The following ZDHHC2 variants were observed in gnomAD, a reference collection of about 807,000 sequenced individuals.
ZDHHC2 encodes palmitoyltransferase ZDHHC2.
A neutral mutation model predicts 55.6 loss-of-function variants in ZDHHC2; 51 were observed. The ratio of observed to expected loss-of-function variants is 0.92; its 90% CI spans 0.73 to 1.16. The LOEUF (loss-of-function observed/expected upper bound fraction) is 1.16, where lower values mean the gene tolerates loss of function less well. Ranked by LOEUF, ZDHHC2 falls within the 50% of genes most tolerant of loss-of-function variation. The pLI, the probability that ZDHHC2 is intolerant of heterozygous loss-of-function variation, is 0.00. For synonymous variants in ZDHHC2, 199 were observed against 152.9 expected, an observed-to-expected ratio of 1.30 and a Z score of -2.22; for missense variants, 491 against 442.4, an observed-to-expected ratio of 1.11 and a Z score of -0.99.
rs919182148 is a variant in ZDHHC2, at chr8:17,221,964, A to C, written c.*1743A>C. The C allele has an allele frequency of 2.1e-5, 3 of 142,904 alleles. No homozygotes were observed. Among genetic ancestry groups the C allele is most frequent in the African/African-American group, 7.8e-5 (3 of 38,480 alleles). The allele number at this position is 142,904 out of a possible 1,614,324, so 8.9% of individuals were successfully genotyped here. ...AGCAGCACAGGATGTATTAAGAATT[A>C]TATGAAGTCAGGTTTGTTTTTTTTT... On this transcript the variant is annotated 3_prime_UTR_variant, in exon 13 of 13. Transcript: ENST00000262096.
chr8:17,179,287 T>A (rs1031553280), intron 1 of ZDHHC2, among the ~76,000 whole-genome samples: 27 of 152,076 alleles, frequency 1.8e-4, no homozygotes, highest in African/African-American at 6.3e-4. Context: ...TCAGTGGCGG[T>A]GGAGGGGGTG....
intron 1 of ZDHHC2, among the ~76,000 whole-genome samples, chr8:17,161,685 CT>C (rs1804351946): frequency 6.6e-6 from 1 of 152,026 alleles, no homozygotes; most frequent in Admixed American, 6.6e-5. Context: ...TAGTGGAACC[CT>C]GTCTCTACCA....
intron 3 of ZDHHC2, among the ~76,000 whole-genome samples, chr8:17,190,259 A>C (rs1805949882): frequency 6.6e-6 from 1 of 151,942 alleles, no homozygotes; most frequent in Admixed American, 6.6e-5. Context: ...CCGTCTCAAA[A>C]AAAAAAAAGA....
chr8:17,164,081 G>C (rs992656935), intron 1 of ZDHHC2, among the ~76,000 whole-genome samples: 2 of 152,162 alleles, frequency 1.3e-5, no homozygotes, highest in African/African-American at 4.8e-5. Context: ...GATTTCTTAA[G>C]AAGAATAGGA....
At chr8:17,181,576 G>T (rs1805434843) in intron 1 of ZDHHC2, among the ~76,000 whole-genome samples, 1 of 151,934 alleles carries the variant, frequency 6.6e-6, no homozygotes, top group South Asian at 2.1e-4. Flanking sequence ...ATTTCTCTAT[G>T]GTAAAAATTG....
At chr8:17,198,935 A>G (rs1161348155) in intron 6 of ZDHHC2, among the ~76,000 whole-genome samples, 1 of 152,222 alleles carries the variant, frequency 6.6e-6, no homozygotes, top group Admixed American at 6.5e-5. Flanking sequence ...CAGTCACGAA[A>G]TCAGGTAATT....
At chr8:17,213,417 A>G (rs4921741) in intron 10 of ZDHHC2, among the ~76,000 whole-genome samples, 63,464 of 151,654 alleles carry the variant, frequency 0.42, 16,052 homozygotes, top group East Asian at 0.78. Flanking sequence ...ATGCCCGGCT[A>G]ATTTTTGTAT....
intron 1 of ZDHHC2, among the ~76,000 whole-genome samples, chr8:17,162,606 A>T (rs573526274): frequency 6.6e-6 from 1 of 152,250 alleles, no homozygotes; most frequent in East Asian, 1.9e-4. Flanking sequence ...CTTGCCAGGC[A>T]TTTCCCGCCA....
At chr8:17,178,477 T>C (rs2517081) in intron 1 of ZDHHC2, among the ~76,000 whole-genome samples, 150,649 of 152,306 alleles carry the variant, frequency 0.99, 74,541 homozygotes, top group East Asian at 1. Context: ...ACTTTCTTCA[T>C]AAAAGGCTAA....
At position 17,220,525 on chromosome 8, in the gene ZDHHC2, T is replaced by A. The variant is rs1035892357; in HGVS notation, c.*304T>A. On this transcript the variant is annotated 3_prime_UTR_variant, in exon 13 of 13. Coordinates refer to ENST00000262096, the MANE Select transcript of ZDHHC2 (RefSeq NM_016353.5). The stretch of plus-strand genomic sequence containing the variant: ...TTGGAATAAATCCAAGGACCAGTTT[T>A]TACCCAAATATATGGGTAGCACAGT... 1.4e-4 allele frequency: 22 copies of A among 152,342 alleles called. No individual in the cohort carries two copies. The highest frequency in any genetic ancestry group is 4.1e-4 in the African/African-American group (17 of 41,596). 9.4% of individuals were successfully genotyped at this position (152,342 alleles called of 1,614,324 possible).
intron 3 of ZDHHC2, among the ~76,000 whole-genome samples, chr8:17,193,416 C>T (rs1262402735): frequency 6.6e-6 from 1 of 152,198 alleles, no homozygotes; most frequent in African/African-American, 2.4e-5. Context: ...GCTGAGCTGC[C>T]GGGAGCTGGT....
intron 1 of ZDHHC2, among the ~76,000 whole-genome samples, chr8:17,178,452 A>G (rs1805262589): frequency 6.6e-6 from 1 of 152,174 alleles, no homozygotes; most frequent in Non-Finnish European, 1.5e-5. Context: ...CCTGACTAAT[A>G]CATAGGGCTG....
intron 7 of ZDHHC2, 74 bp downstream of exon 7, chr8:17,205,849 T>C: frequency 7.1e-7 from 1 of 1,402,692 alleles, no homozygotes; most frequent in Non-Finnish European, 9.6e-7. Flanking sequence ...AACAGAATTA[T>C]TTCCGACACT....
rs1804080774 is a variant in ZDHHC2, at chr8:17,156,889, G to A, written c.130+36G>A. ...CCCCCGCCGCGGCGCCCCCAGCGCAGCGCAGCCCACCCCGACTGTCCCGGG... is the reference window on the plus strand; with the variant it reads ...CCCCCGCCGCGGCGCCCCCAGCGCAACGCAGCCCACCCCGACTGTCCCGGG... On this transcript the variant is annotated intron_variant, in intron 1 of 12. Transcript: ENST00000262096. The A allele has an allele frequency of 2.0e-6, 3 of 1,472,858 alleles. No homozygotes were observed. The East Asian group carries it at 9.1e-5, about 45-fold the overall frequency. 91.2% of individuals were successfully genotyped at this position (1,472,858 alleles called of 1,614,324 possible).
At chr8:17,190,481 TCG>T (rs541385382) in intron 3 of ZDHHC2, among the ~76,000 whole-genome samples, 337 of 152,282 alleles carry the variant, frequency 2.2e-3, no homozygotes, top group Non-Finnish European at 3.7e-3. Flanking sequence ...TAGAGACCTC[TCG>T]CTTGTAAAAT....
chr8:17,167,107 A>G (rs1804639921), intron 1 of ZDHHC2, among the ~76,000 whole-genome samples: 3 of 152,096 alleles, frequency 2.0e-5, no homozygotes, highest in African/African-American at 4.8e-5. Flanking sequence ...ACGTACTAAC[A>G]TTTGGGACAT....
At chr8:17,196,862 G>T (rs1806338429) in intron 4 of ZDHHC2, among the ~76,000 whole-genome samples, 1 of 151,680 alleles carries the variant, frequency 6.6e-6, no homozygotes, top group African/African-American at 2.4e-5. Flanking sequence ...AGTGAGCTGA[G>T]ATGACACCAG....
chr8:17,204,279 C>A (rs1044582729), intron 6 of ZDHHC2, among the ~76,000 whole-genome samples: 1 of 152,144 alleles, frequency 6.6e-6, no homozygotes, highest in African/African-American at 2.4e-5. Context: ...AGTGTTTCAT[C>A]TTAGTAGCTA....
At chr8:17,181,318 T>A (rs1256549239) in intron 1 of ZDHHC2, among the ~76,000 whole-genome samples, 1 of 152,206 alleles carries the variant, frequency 6.6e-6, no homozygotes, top group Admixed American at 6.5e-5. Flanking sequence ...TTAATTTTAA[T>A]ATGATCCAGC....
Sources: allele counts gnomAD v4.1 joint callset (sites outside exome capture counted in the v4.1 genomes callset), GRCh38; gene constraint gnomAD v4.1.1; transcripts MANE v1.5; gene names NCBI Gene and HGNC (gene_info 2026-07-23, HGNC 2026-07-21).